The following SLC25A13 variants were observed in gnomAD, a reference collection of about 807,000 sequenced individuals.
The protein encoded by SLC25A13 is solute carrier family 25 member 13, also known as electrogenic aspartate/glutamate antiporter SLC25A13, mitochondrial.
A neutral mutation model predicts 85.5 loss-of-function variants in SLC25A13; 70 were observed. The observed-to-expected ratio is 0.82, with a 90% CI of 0.68 to 1.00. The LOEUF is 1.00. Ranked by LOEUF, SLC25A13 falls within the 50% of genes least tolerant of loss-of-function variation. The pLI, the probability that SLC25A13 is intolerant of heterozygous loss-of-function variation, is 0.00. For missense variants in SLC25A13, 765 were observed against 819.8 expected (o/e 0.93, Z 0.82); for synonymous variants, 259 against 288.7 (o/e 0.90, Z 1.04).
intron 1 of SLC25A13, among the ~76,000 whole-genome samples, chr7:96,304,479 T>C (rs1189309549): frequency 6.6e-6 from 1 of 152,072 alleles, no homozygotes; most frequent in Non-Finnish European, 1.5e-5. Flanking sequence ...AGAGGCAGAG[T>C]ATAACAGTTA....
chr7:96,313,320 AG>A (rs1198533650), intron 1 of SLC25A13, among the ~76,000 whole-genome samples: 13 of 152,214 alleles, frequency 8.5e-5, no homozygotes, highest in African/African-American at 3.1e-4. Context: ...GAAGCCCACA[AG>A]GCACAGCACT....
chr7:96,168,129 A>AAAAAAAAAAAAAAAAAAAAAAG (rs1562810139), intron 13 of SLC25A13, among the ~76,000 whole-genome samples: 1 of 143,570 alleles, frequency 7.0e-6, no homozygotes, highest in Non-Finnish European at 1.5e-5. Flanking sequence ...AAAAAAAAAA[A>AAAAAAAAAAAAAAAAAAAAAAG]GCACGTGTGC....
chr7:96,140,753 G>GT (rs61262981), intron 14 of SLC25A13, among the ~76,000 whole-genome samples: 5,870 of 125,094 alleles, frequency 0.047, 235 homozygotes, highest in African/African-American at 0.12. Context: ...CTTATCTTTT[G>GT]TTTTTTTTTT....
At chr7:96,296,466 G>A (rs2116993568) in intron 2 of SLC25A13, among the ~76,000 whole-genome samples, 1 of 151,680 alleles carries the variant, frequency 6.6e-6, no homozygotes, top group East Asian at 1.9e-4. Flanking sequence ...CCCCTCTTAA[G>A]ACATGTTGGG....
chr7:96,228,970 G>C (rs955268468), intron 4 of SLC25A13, among the ~76,000 whole-genome samples: 5 of 152,200 alleles, frequency 3.3e-5, no homozygotes, highest in Non-Finnish European at 5.9e-5. Flanking sequence ...AGGAGCTGGA[G>C]CCCGCCATGC....
chr7:96,231,798 CAAG>C (rs1250999468), intron 4 of SLC25A13, among the ~76,000 whole-genome samples: 1 of 151,800 alleles, frequency 6.6e-6, no homozygotes, highest in Non-Finnish European at 1.5e-5. Flanking sequence ...TATACGCGGC[CAAG>C]AAGCATATGG....
intron 1 of SLC25A13, among the ~76,000 whole-genome samples, chr7:96,309,848 C>G (rs1056995872): frequency 6.6e-6 from 1 of 152,158 alleles, no homozygotes; most frequent in South Asian, 2.1e-4. Flanking sequence ...CCAATCCCAG[C>G]CCCTCGGAAG....
chr7:96,194,815 A>C (rs1795000357), intron 5 of SLC25A13, among the ~76,000 whole-genome samples: 1 of 152,216 alleles, frequency 6.6e-6, no homozygotes, highest in African/African-American at 2.4e-5. Context: ...CATTTAAAAT[A>C]TTTTAAAGAT....
At chr7:96,139,945 CTTTTTTTTT>C (rs59749381) in intron 14 of SLC25A13, among the ~76,000 whole-genome samples, 2 of 86,366 alleles carry the variant, frequency 2.3e-5, no homozygotes, top group Non-Finnish European at 4.4e-5. Context: ...GATTTCCATT[CTTTTTTTTT>C]TTTTTTTTTT....
In SLC25A13 at chr7:96,274,812, T is replaced by C. The variant is rs1255572979; in HGVS notation, c.212+2384A>G. Among the ~76,000 whole-genome samples the C allele has an allele frequency of 3.9e-5, 6 of 152,318 alleles. No homozygotes were observed. In the East Asian group the frequency reaches 7.7e-4, roughly 20 times the overall value. On this transcript the variant is annotated intron_variant, in intron 3 of 17. Transcript: ENST00000265631. ...TTTGTCAGGTTTGTCAAAGATCAGA[T>C]GGTTGTAGATATGCAGCATTATTTC...
At chr7:96,180,188 A>G (rs1584417576) in intron 11 of SLC25A13, among the ~76,000 whole-genome samples, 2 of 151,714 alleles carry the variant, frequency 1.3e-5, no homozygotes, top group South Asian at 4.1e-4. Flanking sequence ...TTTTTTTGCC[A>G]ATTTCCTCAA....
chr7:96,229,138 G>A (rs909323128), intron 4 of SLC25A13, among the ~76,000 whole-genome samples: 6 of 152,232 alleles, frequency 3.9e-5, no homozygotes, highest in Admixed American at 3.3e-4. Context: ...CGCAGCCCCA[G>A]TGCGGGATCT....
chr7:96,305,707 A>G (rs1436472260), intron 1 of SLC25A13, among the ~76,000 whole-genome samples: 1 of 152,228 alleles, frequency 6.6e-6, no homozygotes, highest in East Asian at 1.9e-4. Context: ...AAGTTGCTGA[A>G]GCCCAGATAA....
intron 13 of SLC25A13, among the ~76,000 whole-genome samples, chr7:96,165,076 G>T (rs1452969202): frequency 2.6e-5 from 4 of 152,064 alleles, no homozygotes; most frequent in Non-Finnish European, 4.4e-5. Flanking sequence ...GAGTCTACAG[G>T]TTACCATGCA....
chr7:96,317,807 T>TA (rs1254993659), intron 1 of SLC25A13, among the ~76,000 whole-genome samples: 2 of 148,210 alleles, frequency 1.3e-5, no homozygotes, highest in Non-Finnish European at 3.0e-5. Context: ...TTTACTTTAT[T>TA]TTATTTTTTT....
At chr7:96,299,374 C>T (rs879179336) in intron 1 of SLC25A13, among the ~76,000 whole-genome samples, 3 of 152,156 alleles carry the variant, frequency 2.0e-5, no homozygotes, top group Admixed American at 2.0e-4. Flanking sequence ...AGGCATGTTG[C>T]CTAACATTTA....
intron 13 of SLC25A13, chr7:96,169,738 G>A (rs1793920918): frequency 2.5e-6 from 1 of 392,940 alleles, no homozygotes; most frequent in Non-Finnish European, 4.6e-6. Context: ...ATTAACTTTA[G>A]AAAAGGTTAG....
intron 5 of SLC25A13, among the ~76,000 whole-genome samples, chr7:96,204,414 C>T (rs1406958099): frequency 6.6e-6 from 1 of 152,128 alleles, no homozygotes; most frequent in African/African-American, 2.4e-5. Flanking sequence ...GTGGCTCATG[C>T]CTGTAATCCC....
At chr7:96,274,365 T>C (rs1189672522) in intron 3 of SLC25A13, among the ~76,000 whole-genome samples, 1 of 152,214 alleles carries the variant, frequency 6.6e-6, no homozygotes, top group Non-Finnish European at 1.5e-5. Context: ...GTTTGTTTTT[T>C]TCTTGTAGAT....
Sources: gnomAD v4.1 joint callset for allele counts (sites outside exome capture counted in the v4.1 genomes callset) on GRCh38, gnomAD v4.1.1 for gene constraint, MANE v1.5 for transcripts, NCBI Gene and HGNC (gene_info 2026-07-23, HGNC 2026-07-21) for gene names.